The following XRCC4 variants were observed in gnomAD, a reference collection of about 807,000 sequenced individuals.
XRCC4 encodes the protein X-ray repair cross complementing 4, also known as DNA repair protein XRCC4.
In XRCC4, 28 loss-of-function variants were observed where a neutral mutation model predicts 39.1. The ratio of observed to expected loss-of-function variants is 0.72; its 90% CI spans 0.53 to 0.98. The LOEUF is 0.98. Among genes scored for constraint, XRCC4 ranks in the 50% least tolerant of loss-of-function variants. The probability of loss-of-function intolerance (pLI) is 0.00; values close to 1 mark genes in which losing one functional copy is unlikely to be tolerated. For synonymous variants in XRCC4, 123 were observed against 126.4 expected (o/e 0.97, Z 0.18); for missense variants, 350 against 376.4 (o/e 0.93, Z 0.58).
intron 1 of XRCC4, among the ~76,000 whole-genome samples, chr5:83,094,270 C>T (rs939178009): frequency 2.0e-5 from 3 of 150,086 alleles, no homozygotes; most frequent in African/African-American, 7.4e-5. Flanking sequence ...CTCCATAATC[C>T]CCATAGGCTC....
chr5:83,154,893 A>G (rs2112564852), intron 3 of XRCC4, among the ~76,000 whole-genome samples: 1 of 152,244 alleles, frequency 6.6e-6, no homozygotes, highest in African/African-American at 2.4e-5. Context: ...TCCCACTGTC[A>G]TCTCTTATCA....
intron 7 of XRCC4, among the ~76,000 whole-genome samples, chr5:83,288,692 C>G (rs571851953): frequency 6.6e-6 from 1 of 151,892 alleles, no homozygotes; most frequent in East Asian, 1.9e-4. Context: ...TTTTTACCCT[C>G]TGGCTTCTTT....
chr5:83,081,142 G>A (rs1441485973), intron 1 of XRCC4, among the ~76,000 whole-genome samples: 1 of 152,136 alleles, frequency 6.6e-6, no homozygotes, highest in East Asian at 1.9e-4. Context: ...GATAAGGAGA[G>A]GACTGCTATA....
At chr5:83,110,560 G>T (rs917465667) in intron 2 of XRCC4, among the ~76,000 whole-genome samples, 1 of 151,864 alleles carries the variant, frequency 6.6e-6, no homozygotes, top group East Asian at 1.9e-4. Flanking sequence ...TCTGTTGTTG[G>T]CACATGATAT....
At chr5:83,128,918 T>C (rs945617702) in intron 3 of XRCC4, among the ~76,000 whole-genome samples, 1 of 152,178 alleles carries the variant, frequency 6.6e-6, no homozygotes, top group African/African-American at 2.4e-5. Flanking sequence ...TCTCCCATTC[T>C]GTAGGTTGCC....
intron 6 of XRCC4, among the ~76,000 whole-genome samples, chr5:83,250,548 A>G (rs1273412664): frequency 2.0e-5 from 3 of 152,354 alleles, no homozygotes; most frequent in East Asian, 3.9e-4. Flanking sequence ...TAAATATTAG[A>G]TAAATTATTG....
At chr5:83,213,413 G>A (rs188402054) in intron 6 of XRCC4, among the ~76,000 whole-genome samples, 11 of 152,042 alleles carry the variant, frequency 7.2e-5, no homozygotes, top group South Asian at 2.1e-4. Flanking sequence ...ACAACACTGT[G>A]ACATTGGGTT....
chr5:83,362,958 C>T, the XRCC4 span, among the ~76,000 whole-genome samples: 15 of 152,154 alleles, frequency 9.9e-5, no homozygotes, highest in East Asian at 3.8e-4. Context: ...GTGCCAGGCA[C>T]GCTGCTAGGC....
In XRCC4 at chr5:83,344,507, T is replaced by C. The variant is rs191236783; in HGVS notation, c.894-8624T>C. Reference sequence around the variant, plus strand: ...TACTTCTCATACTACTAGGCTCAAATGATCCTCCCGCCTCAGCCTCCCAAA... The same window carrying C: ...TACTTCTCATACTACTAGGCTCAAACGATCCTCCCGCCTCAGCCTCCCAAA... On this transcript the variant is annotated intron_variant, in intron 7 of 7. Coordinates refer to ENST00000396027, the MANE Select transcript of XRCC4 (RefSeq NM_003401.5). Among the ~76,000 whole-genome samples, 314 of 146,488 alleles carry C rather than the reference T, an allele frequency of 2.1e-3. 5 individuals are homozygous for C. The highest frequency in any genetic ancestry group is 0.016 in the Admixed American group (224 of 14,182).
intron 3 of XRCC4, among the ~76,000 whole-genome samples, chr5:83,151,784 G>C (rs1280578467): frequency 6.6e-6 from 1 of 152,114 alleles, no homozygotes; most frequent in African/African-American, 2.4e-5. Context: ...CTGACTAGAA[G>C]CAAAAATCAG....
At chr5:83,196,508 A>AT (rs1322882328) in intron 4 of XRCC4, among the ~76,000 whole-genome samples, 2 of 151,580 alleles carry the variant, frequency 1.3e-5, no homozygotes, top group East Asian at 3.9e-4. Flanking sequence ...GAAAAAAATA[A>AT]TTTTTTTTTA....
At chr5:83,310,985 A>T in intron 7 of XRCC4, 1 of 348,206 alleles carries the variant, frequency 2.9e-6, no homozygotes, top group Non-Finnish European at 5.7e-6. Context: ...CCCTGCCAAC[A>T]CCTTTATTTT....
chr5:83,091,304 T>C (rs1170677032), intron 1 of XRCC4, among the ~76,000 whole-genome samples: 2 of 152,188 alleles, frequency 1.3e-5, no homozygotes, highest in Non-Finnish European at 2.9e-5. Context: ...ATATCTTACA[T>C]GGTGGCAGGT....
intron 7 of XRCC4, among the ~76,000 whole-genome samples, chr5:83,346,844 T>C (rs2891980): frequency 0.25 from 38,684 of 152,060 alleles, 7,110 homozygotes; most frequent in East Asian, 0.71. Context: ...TAAACAGAGC[T>C]GTAACTAATG....
chr5:83,086,060 A>G (rs1440993689), intron 1 of XRCC4, among the ~76,000 whole-genome samples: 3 of 152,222 alleles, frequency 2.0e-5, no homozygotes, highest in Non-Finnish European at 4.4e-5. Flanking sequence ...AACATAAAAC[A>G]TGGGTATCAG....
chr5:83,115,563 C>G (rs1449767241), intron 3 of XRCC4, among the ~76,000 whole-genome samples: 1 of 152,202 alleles, frequency 6.6e-6, no homozygotes, highest in Non-Finnish European at 1.5e-5. Context: ...GAAGAAAGAG[C>G]TTTAAGTCCT....
At chr5:83,370,603 G>A in the XRCC4 span, among the ~76,000 whole-genome samples, 1 of 151,932 alleles carries the variant, frequency 6.6e-6, no homozygotes, top group Admixed American at 6.6e-5. Context: ...TCCACCTTTA[G>A]CCTACCTTGT....
At chr5:83,125,309 T>G (rs1186019561) in intron 3 of XRCC4, among the ~76,000 whole-genome samples, 1 of 152,228 alleles carries the variant, frequency 6.6e-6, no homozygotes, top group African/African-American at 2.4e-5. Flanking sequence ...TGGACTATTT[T>G]TCTTCTATGC....
intron 7 of XRCC4, among the ~76,000 whole-genome samples, chr5:83,276,744 G>A (rs548939427): frequency 1.3e-5 from 2 of 151,606 alleles, no homozygotes; most frequent in South Asian, 4.2e-4. Flanking sequence ...GTTTTCTGTT[G>A]CTTATAACAG....
Sources: gnomAD v4.1 joint callset for allele counts (sites outside exome capture counted in the v4.1 genomes callset) on GRCh38, gnomAD v4.1.1 for gene constraint, MANE v1.5 for transcripts, NCBI Gene and HGNC (gene_info 2026-07-23, HGNC 2026-07-21) for gene names.